Variants in MPP7 observed in about 807,000 individuals in gnomAD.
MPP7 encodes MAGUK p55 scaffold protein 7.
A neutral mutation model predicts 76.5 loss-of-function variants in MPP7; 60 were observed. The ratio of observed to expected loss-of-function variants is 0.78; its 90% CI spans 0.64 to 0.97. The LOEUF (loss-of-function observed/expected upper bound fraction) is 0.97. MPP7 is among the 50% of genes least tolerant of loss of function. The pLI, the probability that MPP7 is intolerant of heterozygous loss-of-function variation, is 0.00. For missense variants in MPP7, 641 were observed against 694.0 expected, an observed-to-expected ratio of 0.92 and a Z score of 0.86; for synonymous variants, 237 against 244.5, an observed-to-expected ratio of 0.97 and a Z score of 0.29.
At chr10:28,120,458 T>A (rs1357288254) in intron 9 of MPP7, 68 bp from the exon 10 acceptor site, 2 of 1,500,548 alleles carry the variant, frequency 1.3e-6, no homozygotes, top group East Asian at 4.6e-5. Context: ...TATATTCTCC[T>A]AACTCCGACT....
chr10:28,253,010 C>A (rs1349014374), intron 1 of MPP7, among the ~76,000 whole-genome samples: 1 of 152,026 alleles, frequency 6.6e-6, no homozygotes, highest in Admixed American at 6.6e-5. Flanking sequence ...CTGGTTCAAG[C>A]GATTCTCCTT....
At chr10:28,178,918 TGTA>T (rs1258972994) in intron 3 of MPP7, among the ~76,000 whole-genome samples, 7 of 151,978 alleles carry the variant, frequency 4.6e-5, no homozygotes, top group African/African-American at 1.7e-4. Context: ...TAAAGAGAAA[TGTA>T]GTAAAAGTTG....
At chr10:28,234,100 C>T (rs1043771153) in intron 2 of MPP7, among the ~76,000 whole-genome samples, 4 of 152,104 alleles carry the variant, frequency 2.6e-5, no homozygotes, top group Admixed American at 2.6e-4. Context: ...GAACTAGAGC[C>T]CCTTAGAGAA....
intron 2 of MPP7, among the ~76,000 whole-genome samples, chr10:28,236,123 C>T (rs925036103): frequency 2.0e-5 from 3 of 152,140 alleles, no homozygotes; most frequent in Non-Finnish European, 2.9e-5. Flanking sequence ...TAGGGGAAAG[C>T]ATCTTTAATA....
chr10:28,294,320 T>C (rs1164164881), intron 1 of MPP7, among the ~76,000 whole-genome samples: 1 of 152,132 alleles, frequency 6.6e-6, no homozygotes, highest in African/African-American at 2.4e-5. Flanking sequence ...AAGAACTGCG[T>C]TCAAGGTCAT....
chr10:28,314,325 A>C (rs1841307047), intron 2 of MPP7, among the ~76,000 whole-genome samples: 1 of 152,226 alleles, frequency 6.6e-6, no homozygotes, highest in African/African-American at 2.4e-5. Context: ...TTGTCAAAAC[A>C]GGCATTTGCC....
At position 28,167,265 on chromosome 10, in the gene MPP7, G is replaced by A. The variant is rs567514227; in HGVS notation, c.157-17206C>T. ...GGTGGAGGTTGCAGTGAGCCGAGACGGCACCACTGCACTCCAGCCTGGGCA... is the reference window on the plus strand; with the variant it reads ...GGTGGAGGTTGCAGTGAGCCGAGACAGCACCACTGCACTCCAGCCTGGGCA... On this transcript the variant is annotated intron_variant, in intron 3 of 16. Transcript: ENST00000683449. Among the ~76,000 whole-genome samples, 52 of 151,384 alleles carry A rather than the reference G, an allele frequency of 3.4e-4. 1 individual carries two copies. The highest frequency in any genetic ancestry group is 1.4e-3 in the Admixed American group (21 of 15,084).
At chr10:28,220,381 A>T (rs1191620064) in intron 2 of MPP7, among the ~76,000 whole-genome samples, 1 of 152,104 alleles carries the variant, frequency 6.6e-6, no homozygotes, top group Admixed American at 6.5e-5. Flanking sequence ...CCTTTCCAAA[A>T]ATCGATTACA....
intron 1 of MPP7, among the ~76,000 whole-genome samples, chr10:28,257,231 C>T (rs892285324): frequency 1.3e-5 from 2 of 152,078 alleles, no homozygotes; most frequent in African/African-American, 4.8e-5. Context: ...ATGACACGAA[C>T]TGGAAATAAT....
intron 1 of MPP7, among the ~76,000 whole-genome samples, chr10:28,262,907 T>A (rs1052141117): frequency 6.6e-6 from 1 of 151,956 alleles, no homozygotes; most frequent in African/African-American, 2.4e-5. Flanking sequence ...AATAAAAAAA[T>A]TAGCCAGGAG....
intron 11 of MPP7, among the ~76,000 whole-genome samples, chr10:28,105,908 G>A (rs905647111): frequency 6.6e-6 from 1 of 152,176 alleles, no homozygotes; most frequent in East Asian, 1.9e-4. Flanking sequence ...AAATTTCTCA[G>A]TTTGTAGGTC....
At chr10:28,268,776 A>C (rs537015831) in intron 1 of MPP7, among the ~76,000 whole-genome samples, 2 of 151,060 alleles carry the variant, frequency 1.3e-5, no homozygotes, top group African/African-American at 4.9e-5. Flanking sequence ...GGGGCTAATC[A>C]GGCGTGGTGG....
chr10:28,095,539 T>C (rs1353350369), intron 11 of MPP7, among the ~76,000 whole-genome samples: 3 of 152,166 alleles, frequency 2.0e-5, no homozygotes, highest in Non-Finnish European at 2.9e-5. Context: ...TACACCTTAG[T>C]TAAGTCTAAG....
chr10:28,089,756 G>A lies in MPP7; in HGVS notation c.1038C>T (p.Tyr346=), dbSNP rs137891161. 2.2e-5 allele frequency: 36 copies of A among 1,612,120 alleles called. No individual in the cohort carries two copies. The highest frequency in any genetic ancestry group is 1.3e-4 in the African/African-American group (10 of 74,824). ...CGTATGTGGGTACGTCAGCTGTGTC[G>A]TACTGATCACTCTTCTTGCATTCAT... ...SMYECKKSDQ[Y]DTADVPTYEE... is the part of the protein sequence containing the mutation. Residue 346 remains tyrosine, a synonymous_variant, in exon 12 of 17, where the codon TAC becomes TAT. Coordinates refer to ENST00000683449, the MANE Select transcript of MPP7 (RefSeq NM_001318170.2).
chr10:28,317,421 CT>C (rs1353173316), intron 2 of MPP7, among the ~76,000 whole-genome samples: 4 of 152,090 alleles, frequency 2.6e-5, no homozygotes, highest in Admixed American at 6.6e-5. Context: ...GCCTCAACTA[CT>C]TGCGAGGCTG....
chr10:28,055,557 A>T (rs2801830), intron 16 of MPP7, among the ~76,000 whole-genome samples: 102,987 of 152,136 alleles, frequency 0.68, 36,404 homozygotes, highest in East Asian at 0.99. Context: ...CAGAACCCAT[A>T]ATAGTCATGA....
intron 2 of MPP7, among the ~76,000 whole-genome samples, chr10:28,205,077 T>C (rs1194466424): frequency 6.6e-6 from 1 of 152,190 alleles, no homozygotes; most frequent in Non-Finnish European, 1.5e-5. Flanking sequence ...CCCACCACAG[T>C]TTGGCACTCT....
intron 2 of MPP7, among the ~76,000 whole-genome samples, chr10:28,206,144 C>T (rs570613826): frequency 6.6e-6 from 1 of 152,168 alleles, no homozygotes; most frequent in African/African-American, 2.4e-5. Flanking sequence ...TGACTAAGAC[C>T]CTCTTTAAAG....
chr10:28,079,349 C>CA (rs894150049), intron 12 of MPP7, among the ~76,000 whole-genome samples: 1,757 of 143,192 alleles, frequency 0.012, 27 homozygotes, highest in African/African-American at 0.039. Flanking sequence ...ACATATACCA[C>CA]AAAAAAAAAA....
Sources: allele counts gnomAD v4.1 joint callset (sites outside exome capture counted in the v4.1 genomes callset), GRCh38; gene constraint gnomAD v4.1.1; transcripts MANE v1.5; gene names NCBI Gene and HGNC (gene_info 2026-07-23, HGNC 2026-07-21).